WHRN: variants seen among roughly 807,000 people sequenced by gnomAD.
WHRN encodes the protein CASK-interacting protein CIP98.
Under a neutral mutation model 68.3 loss-of-function variants are expected in WHRN, and 41 were observed. The ratio of observed to expected loss-of-function variants is 0.60; its 90% CI spans 0.47 to 0.78. The LOEUF is 0.78. Among genes scored for constraint, WHRN ranks in the 30% least tolerant of loss-of-function variants. The pLI is 0.00. For synonymous variants in WHRN, 560 were observed against 561.3 expected (o/e 1.00, Z 0.03); for missense variants, 1,243 against 1,244.7 (o/e 1.00, Z 0.02).
intron 6 of WHRN, among the ~76,000 whole-genome samples, chr9:114,423,835 A>G (rs570106176): frequency 6.4e-4 from 97 of 152,132 alleles, no homozygotes; most frequent in Non-Finnish European, 1.0e-3. Context: ...ACCCTTTCCA[A>G]TACTCATCTC....
In WHRN at chr9:114,404,985, G is replaced by A. The variant is rs937104596; in HGVS notation, c.2237-908C>T. Among the ~76,000 whole-genome samples, 7 of 152,078 alleles carry A rather than the reference G, an allele frequency of 4.6e-5. No homozygotes were observed. In the East Asian group the frequency reaches 1.4e-3, roughly 30 times the overall value. On this transcript the variant is annotated intron_variant, in intron 9 of 11. Coordinates refer to ENST00000362057, the MANE Select transcript of WHRN (RefSeq NM_015404.4). ...GTGCCCACCACTCAGCTCAGGCAGG[G>A]GCCATGCAGAGGTTCAGACCAGGTG...
chr9:114,445,675 T>C (rs1838759898), intron 3 of WHRN, among the ~76,000 whole-genome samples: 1 of 152,162 alleles, frequency 6.6e-6, no homozygotes, highest in African/African-American at 2.4e-5. Flanking sequence ...CCTCGGTAGA[T>C]ATGCCGTGCC....
intron 3 of WHRN, among the ~76,000 whole-genome samples, chr9:114,463,865 G>A (rs981319145): frequency 1.3e-5 from 2 of 152,130 alleles, no homozygotes; most frequent in Non-Finnish European, 2.9e-5. Context: ...CCATCTGGCT[G>A]GCCTGGTTAT....
chr9:114,481,764 T>C (rs1842109726), intron 1 of WHRN, among the ~76,000 whole-genome samples: 1 of 152,208 alleles, frequency 6.6e-6, no homozygotes, highest in African/African-American at 2.4e-5. Context: ...GTGCCAAGCC[T>C]AGAGGAGACA....
At chr9:114,413,953 G>T (rs1320376634) in intron 7 of WHRN, among the ~76,000 whole-genome samples, 5 of 143,716 alleles carry the variant, frequency 3.5e-5, no homozygotes, top group Non-Finnish European at 7.9e-5. Context: ...GGACGTCAGT[G>T]GAAAGAGAGA....
In WHRN at chr9:114,478,760, G is replaced by A. The variant is rs891317887; in HGVS notation, c.630C>T (p.Gly210=). 1 of 1,611,476 alleles carries A rather than the reference G, an allele frequency of 6.2e-7. No homozygotes were observed. The highest frequency in any genetic ancestry group is 8.5e-7 in the Non-Finnish European group (1 of 1,179,738). Residue 210 remains glycine, a synonymous_variant, in exon 2 of 12, where the codon GGC becomes GGT. Transcript: ENST00000362057. ...ACACAGACAGCACCAGCTTCTTGGA[G>A]CCCTTCAGAGCCTAGGGAGAGAGGG... is the stretch of plus-strand genomic sequence containing the variant. The part of the protein sequence containing the change: ...THAEAVKALK[G]SKKLVLSVYS...
chr9:114,477,702 T>C (rs1467552977), intron 2 of WHRN, among the ~76,000 whole-genome samples: 1 of 152,196 alleles, frequency 6.6e-6, no homozygotes, highest in Non-Finnish European at 1.5e-5. Flanking sequence ...TACTGCAGGC[T>C]GCACCCTGAG....
intron 7 of WHRN, among the ~76,000 whole-genome samples, chr9:114,409,035 C>A (rs1428607301): frequency 1.3e-5 from 2 of 152,238 alleles, no homozygotes; most frequent in African/African-American, 2.4e-5. Flanking sequence ...CTTCCCTGGG[C>A]CTCCGACTTG....
intron 2 of WHRN, among the ~76,000 whole-genome samples, chr9:114,472,720 T>C (rs778749868): frequency 1.3e-5 from 2 of 152,236 alleles, no homozygotes; most frequent in Admixed American, 6.5e-5. Context: ...AGGCCCATTA[T>C]AGGTACTTGG....
intron 1 of WHRN, among the ~76,000 whole-genome samples, chr9:114,500,210 T>G (rs1415863396): frequency 1.3e-5 from 2 of 152,196 alleles, no homozygotes; most frequent in Non-Finnish European, 2.9e-5. Flanking sequence ...ATGTCATTGC[T>G]GGCAGGACTC....
chr9:114,466,462 A>T, intron 2 of WHRN, 70 bp from the exon 3 acceptor site: 1 of 1,604,966 alleles, frequency 6.2e-7, no homozygotes, highest in Non-Finnish European at 8.5e-7. Flanking sequence ...CAGGCTGCAA[A>T]GCCCCCTCTC....
chr9:114,464,059 G>A (rs767781572), intron 3 of WHRN, among the ~76,000 whole-genome samples: 7 of 152,180 alleles, frequency 4.6e-5, no homozygotes, highest in Non-Finnish European at 1.0e-4. Flanking sequence ...CTGCATGCCT[G>A]TATCTAAACA....
At chr9:114,501,726 T>C (rs948985207) in intron 1 of WHRN, among the ~76,000 whole-genome samples, 1 of 152,126 alleles carries the variant, frequency 6.6e-6, no homozygotes, top group Middle Eastern at 3.2e-3. Context: ...AATAAGGACA[T>C]AGGCAGAAAA....
chr9:114,431,207 G>C (rs1837395071), intron 3 of WHRN, among the ~76,000 whole-genome samples: 1 of 152,270 alleles, frequency 6.6e-6, no homozygotes, highest in Admixed American at 6.5e-5. Context: ...GCCCCGCACA[G>C]CTCTCAAGTA....
rs1840359626 is a variant in WHRN at position 114,462,890 on chromosome 9, A to G, written c.963+3377T>C. The stretch of plus-strand genomic sequence containing the variant: ...AGTAACTGCTCAATAAAAGGGTAAG[A>G]GGATAATAAAAGACACTACTCATCA... On this transcript the variant is annotated intron_variant, in intron 3 of 11. Coordinates refer to ENST00000362057, the MANE Select transcript of WHRN (RefSeq NM_015404.4). 1.3e-5 allele frequency among the ~76,000 whole-genome samples: 2 copies of G among 152,200 alleles called. 1 individual carries two copies. The highest frequency in any genetic ancestry group is 4.1e-4 in the South Asian group (2 of 4,834).
rs567297020 is a variant in WHRN, at chr9:114,474,518, C to T, written c.837+4035G>A. On this transcript the variant is annotated intron_variant, in intron 2 of 11. Transcript: ENST00000362057. Reference sequence around the variant, plus strand: ...AACCTTGTTTCACAGCCAAAGGAATCGCTTAGGAGCTGTCTTGCTCTCTCT... The same window carrying T: ...AACCTTGTTTCACAGCCAAAGGAATTGCTTAGGAGCTGTCTTGCTCTCTCT... 6.1e-4 allele frequency among the ~76,000 whole-genome samples: 93 copies of T among 152,278 alleles called. 1 individual carries two copies. The highest frequency in any genetic ancestry group is 2.1e-3 in the African/African-American group (88 of 41,564).
At chr9:114,412,547 T>C (rs1835523096) in intron 7 of WHRN, among the ~76,000 whole-genome samples, 1 of 152,214 alleles carries the variant, frequency 6.6e-6, no homozygotes, top group Non-Finnish European at 1.5e-5. Flanking sequence ...GGCAGAAAGC[T>C]GAACTCTATT....
intron 3 of WHRN, among the ~76,000 whole-genome samples, chr9:114,462,511 T>C (rs1415185181): frequency 2.0e-5 from 3 of 152,198 alleles, no homozygotes; most frequent in African/African-American, 7.2e-5. Context: ...AGTCCTTCCC[T>C]GCTCAAGGAA....
At chr9:114,403,815 G>T in intron 10 of WHRN, 81 bp downstream of exon 10, 2 of 1,549,122 alleles carry the variant, frequency 1.3e-6, no homozygotes, top group Non-Finnish European at 8.8e-7. Context: ...GCCAAGCTGA[G>T]CCCTGGTCCC....
Sources: gnomAD v4.1 joint callset for allele counts (sites outside exome capture counted in the v4.1 genomes callset) on GRCh38, gnomAD v4.1.1 for gene constraint, MANE v1.5 for transcripts, NCBI Gene and HGNC (gene_info 2026-07-23, HGNC 2026-07-21) for gene names.